Variants in MRAP2 observed in about 807,000 individuals in gnomAD.
MRAP2 encodes the protein melanocortin-2 receptor accessory protein 2.
A neutral mutation model predicts 17.4 loss-of-function variants in MRAP2; 20 were observed. The ratio of observed to expected loss-of-function variants is 1.15; its 90% CI spans 0.81 to 1.67. MRAP2 has a LOEUF of 1.67. MRAP2 is among the 40% of genes most tolerant of loss of function. The probability of loss-of-function intolerance (pLI) is 0.00; values close to 1 mark genes in which losing one functional copy is unlikely to be tolerated. For missense variants in MRAP2, 238 were observed against 240.0 expected (o/e 0.99, Z 0.05); for synonymous variants, 96 against 88.4 (o/e 1.09, Z -0.48).
intron 1 of MRAP2, among the ~76,000 whole-genome samples, chr6:84,046,561 C>T (rs1373978247): frequency 6.6e-6 from 1 of 151,902 alleles, no homozygotes; most frequent in African/African-American, 2.4e-5. Flanking sequence ...GCAGGCAGAT[C>T]ACCAGGTCAG....
At position 84,043,123 on chromosome 6, in the gene MRAP2, T is replaced by C. The variant is rs576483823; in HGVS notation, c.-8+9240T>C. 3.3e-5 allele frequency among the ~76,000 whole-genome samples: 5 copies of C among 152,348 alleles called. No homozygotes were observed. The South Asian group carries it at 1.0e-3, about 32-fold the overall frequency. Reference sequence around the variant, plus strand: ...CTTCTTAGTCTTATTCTGCCAACTCTTTCAATAACTCCACTAATTAGAACT... The same window carrying C: ...CTTCTTAGTCTTATTCTGCCAACTCCTTCAATAACTCCACTAATTAGAACT... On this transcript the variant is annotated intron_variant, in intron 1 of 3. Coordinates refer to ENST00000257776, the MANE Select transcript of MRAP2 (RefSeq NM_138409.4).
intron 1 of MRAP2, among the ~76,000 whole-genome samples, chr6:84,054,765 C>T (rs1300492137): frequency 2.6e-5 from 4 of 152,158 alleles, no homozygotes; most frequent in Non-Finnish European, 4.4e-5. Flanking sequence ...CAAAACATCT[C>T]GCCTCCACAC....
At chr6:84,130,381 T>C in the MRAP2 span, among the ~76,000 whole-genome samples, 7 of 152,214 alleles carry the variant, frequency 4.6e-5, no homozygotes, top group Admixed American at 1.3e-4. Context: ...TAAAATGAGT[T>C]AGGGAGGAGT....
intron 1 of MRAP2, among the ~76,000 whole-genome samples, chr6:84,042,265 T>G (rs577286344): frequency 2.0e-5 from 3 of 152,314 alleles, no homozygotes; most frequent in Admixed American, 2.0e-4. Context: ...CATATTGAAC[T>G]GTGAATCAAT....
chr6:84,126,331 C>A, the MRAP2 span: 1 of 1,398,704 alleles, frequency 7.1e-7, no homozygotes, highest in South Asian at 1.7e-5. Context: ...ATTAAAGGCA[C>A]TTAAAAGTAA....
chr6:84,111,759 T>C, the MRAP2 span, among the ~76,000 whole-genome samples: 2 of 152,206 alleles, frequency 1.3e-5, no homozygotes, highest in Admixed American at 6.5e-5. Context: ...ATAGCTCTTA[T>C]TATTTTGAGA....
At chr6:84,097,275 G>A in the MRAP2 span, among the ~76,000 whole-genome samples, 5 of 152,146 alleles carry the variant, frequency 3.3e-5, 1 homozygote, top group Admixed American at 6.5e-5. Flanking sequence ...TCTGGGATGA[G>A]CCCTTTTCCT....
intron 3 of MRAP2, among the ~76,000 whole-genome samples, chr6:84,066,233 A>G (rs1264688968): frequency 6.6e-6 from 1 of 152,224 alleles, no homozygotes; most frequent in African/African-American, 2.4e-5. Context: ...TTAACCCTGA[A>G]TGCTTCTAAC....
At chr6:84,082,061 ACT>A (rs2099499134) in intron 3 of MRAP2, among the ~76,000 whole-genome samples, 1 of 152,082 alleles carries the variant, frequency 6.6e-6, no homozygotes, top group Non-Finnish European at 1.5e-5. Flanking sequence ...GCTTTGGTGA[ACT>A]CTCTGTGTGA....
At chr6:84,125,316 A>C in the MRAP2 span, 1 of 1,551,452 alleles carries the variant, frequency 6.4e-7, no homozygotes, top group East Asian at 2.2e-5. Context: ...TATAGTTCAT[A>C]GTGGTGGGTG....
At chr6:84,126,407 G>C in the MRAP2 span, 1 of 1,602,722 alleles carries the variant, frequency 6.2e-7, no homozygotes. Context: ...CTTTGTGCAT[G>C]TCTCATTTCC....
At chr6:84,109,805 T>C in the MRAP2 span, among the ~76,000 whole-genome samples, 1 of 147,452 alleles carries the variant, frequency 6.8e-6, no homozygotes, top group African/African-American at 2.5e-5. Flanking sequence ...CCTGTGTCCA[T>C]GTGTTCTCGT....
At chr6:84,107,376 C>T in the MRAP2 span, among the ~76,000 whole-genome samples, 1 of 152,092 alleles carries the variant, frequency 6.6e-6, no homozygotes, top group Non-Finnish European at 1.5e-5. Flanking sequence ...AAACACTGGA[C>T]CCCTAGAAAT....
the MRAP2 span, among the ~76,000 whole-genome samples, chr6:84,097,097 C>T: frequency 6.6e-6 from 1 of 152,146 alleles, no homozygotes; most frequent in Non-Finnish European, 1.5e-5. Context: ...CAATGGCTTC[C>T]CATTTCATGC....
downstream of MRAP2, among the ~76,000 whole-genome samples, chr6:84,091,394 A>G (rs990258973): frequency 2.0e-5 from 3 of 151,630 alleles, no homozygotes; most frequent in African/African-American, 7.3e-5. Flanking sequence ...ACGCCTAGCT[A>G]ATTTTTGTAT....
At chr6:84,142,181 G>A in the MRAP2 span, among the ~76,000 whole-genome samples, 1 of 152,094 alleles carries the variant, frequency 6.6e-6, no homozygotes, top group African/African-American at 2.4e-5. Context: ...TATCTGCAAA[G>A]GGCAAATGAA....
At chr6:84,037,630 G>A (rs971722470) in intron 1 of MRAP2, among the ~76,000 whole-genome samples, 6 of 152,220 alleles carry the variant, frequency 3.9e-5, no homozygotes, top group African/African-American at 1.4e-4. Context: ...CTGCCCCACA[G>A]GGAGGCGGCT....
At chr6:84,046,242 T>G (rs1476309977) in intron 1 of MRAP2, among the ~76,000 whole-genome samples, 1 of 152,112 alleles carries the variant, frequency 6.6e-6, no homozygotes, top group Non-Finnish European at 1.5e-5. Context: ...CTTTGCAAAA[T>G]AAAAATGCTG....
intron 1 of MRAP2, among the ~76,000 whole-genome samples, chr6:84,041,543 A>G (rs2099487591): frequency 6.6e-6 from 1 of 152,250 alleles, no homozygotes; most frequent in Admixed American, 6.5e-5. Context: ...TGAAGGCGCC[A>G]GGAGGGGGCT....
Sources: gnomAD v4.1 joint callset for allele counts (sites outside exome capture counted in the v4.1 genomes callset) on GRCh38, gnomAD v4.1.1 for gene constraint, MANE v1.5 for transcripts, NCBI Gene and HGNC (gene_info 2026-07-23, HGNC 2026-07-21) for gene names.